The following PCDH15 variants were observed in gnomAD, a reference collection of about 807,000 sequenced individuals.
PCDH15 encodes protocadherin related 15, also known as protocadherin-15.
A neutral mutation model predicts 178.5 loss-of-function variants in PCDH15; 129 were observed. That is an observed-to-expected ratio of 0.72 (90% CI 0.63 to 0.84). The LOEUF is 0.84. Ranked by LOEUF, PCDH15 falls within the 40% of genes least tolerant of loss-of-function variation. The pLI, the probability that PCDH15 is intolerant of heterozygous loss-of-function variation, is 0.00. For missense variants in PCDH15, 2,230 were observed against 2,099.9 expected, an observed-to-expected ratio of 1.06 and a Z score of -1.21; for synonymous variants, 800 against 732.0, an observed-to-expected ratio of 1.09 and a Z score of -1.50.
intron 2 of PCDH15, among the ~76,000 whole-genome samples, chr10:54,612,546 A>G (rs2134266078): frequency 2.0e-5 from 3 of 151,902 alleles, no homozygotes; most frequent in African/African-American, 7.2e-5. Flanking sequence ...TAACCAGCAA[A>G]GTCAAGATGG....
intron 2 of PCDH15, among the ~76,000 whole-genome samples, chr10:54,561,054 T>C (rs907367708): frequency 6.6e-6 from 1 of 152,092 alleles, no homozygotes; most frequent in Admixed American, 6.6e-5. Flanking sequence ...CTTAAAGAAA[T>C]AGTCAAGAGT....
At chr10:55,527,690 GAGAA>G (rs1398776751) in intron 2 of PCDH15, among the ~76,000 whole-genome samples, 2 of 151,632 alleles carry the variant, frequency 1.3e-5, no homozygotes, top group Non-Finnish European at 2.9e-5. Flanking sequence ...AATCAAAAAA[GAGAA>G]AGAATAAAAA....
At chr10:54,779,600 C>T (rs1235400962) in intron 1 of PCDH15, among the ~76,000 whole-genome samples, 1 of 149,556 alleles carries the variant, frequency 6.7e-6, no homozygotes, top group Non-Finnish European at 1.5e-5. Context: ...CTATGTGATG[C>T]TCCGGGCTGG....
intron 3 of PCDH15, among the ~76,000 whole-genome samples, chr10:54,880,496 AT>A (rs767584987): frequency 6.6e-6 from 1 of 152,086 alleles, no homozygotes; most frequent in Non-Finnish European, 1.5e-5. Flanking sequence ...GAAAAGCAAA[AT>A]GCTTACTATT....
chr10:54,984,329 A>G (rs1839313783), intron 2 of PCDH15, among the ~76,000 whole-genome samples: 1 of 152,158 alleles, frequency 6.6e-6, no homozygotes, highest in African/African-American at 2.4e-5. Flanking sequence ...GGTAACTTAC[A>G]GTAGTCACTC....
At chr10:53,971,892 C>T (rs984628818) in intron 21 of PCDH15, among the ~76,000 whole-genome samples, 14 of 152,192 alleles carry the variant, frequency 9.2e-5, no homozygotes, top group African/African-American at 3.1e-4. Context: ...CAATGCCATC[C>T]CCATCAAGCT....
At chr10:54,101,888 T>C (rs2094819054) in intron 15 of PCDH15, among the ~76,000 whole-genome samples, 1 of 152,064 alleles carries the variant, frequency 6.6e-6, no homozygotes, top group South Asian at 2.1e-4. Flanking sequence ...GGTGGGAGGA[T>C]AACTTGAGCC....
intron 2 of PCDH15, among the ~76,000 whole-genome samples, chr10:54,939,523 A>AAAAAAAAAAAAAAAAAAAAAAAAG: frequency 6.8e-6 from 1 of 146,370 alleles, no homozygotes; most frequent in Non-Finnish European, 1.5e-5. Flanking sequence ...AAAAAAAAAA[A>AAAAAAAAAAAAAAAAAAAAAAAAG]TCAGTGATGT....
chr10:54,423,947 G>A (rs1465473823), intron 3 of PCDH15, among the ~76,000 whole-genome samples: 1 of 151,846 alleles, frequency 6.6e-6, no homozygotes, highest in Non-Finnish European at 1.5e-5. Flanking sequence ...TCAGGACATA[G>A]GCATGGGCAA....
chr10:54,828,898 T>C (rs1953177486), intron 3 of PCDH15, among the ~76,000 whole-genome samples: 1 of 151,938 alleles, frequency 6.6e-6, no homozygotes, highest in African/African-American at 2.4e-5. Context: ...ATGAGACTAT[T>C]AGCAGAGACC....
At chr10:53,995,160 C>A in intron 21 of PCDH15, 1 of 157,648 alleles carries the variant, frequency 6.3e-6, no homozygotes, top group Non-Finnish European at 1.4e-5. Context: ...TTTGGGATAT[C>A]TCAAAAAAGT....
intron 1 of PCDH15, among the ~76,000 whole-genome samples, chr10:55,169,665 A>G (rs778306434): frequency 3.9e-5 from 6 of 152,160 alleles, no homozygotes; most frequent in Non-Finnish European, 8.8e-5. Context: ...GAGAACTACA[A>G]ATTGATACAA....
At chr10:54,236,976 A>C in intron 8 of PCDH15, 45 bp from the exon 9 acceptor site, 2 of 1,425,038 alleles carry the variant, frequency 1.4e-6, no homozygotes, top group Non-Finnish European at 9.9e-7. Context: ...CATTACTAAT[A>C]CTTCATGAAG....
At chr10:53,842,044 A>AT (rs1239124471) in intron 28 of PCDH15, among the ~76,000 whole-genome samples, 1 of 151,556 alleles carries the variant, frequency 6.6e-6, no homozygotes, top group Non-Finnish European at 1.5e-5. Context: ...TGTTTTTCAG[A>AT]TTTTTTTTCC....
intron 18 of PCDH15, among the ~76,000 whole-genome samples, chr10:54,058,974 A>G (rs2093958973): frequency 6.6e-6 from 1 of 152,072 alleles, no homozygotes; most frequent in Non-Finnish European, 1.5e-5. Flanking sequence ...GATTACAGGC[A>G]TGAGCCACCA....
intron 15 of PCDH15, among the ~76,000 whole-genome samples, chr10:54,125,052 T>C (rs2041872777): frequency 6.6e-6 from 1 of 151,830 alleles, no homozygotes; most frequent in Admixed American, 6.6e-5. Context: ...TATTCAAAAA[T>C]GAGAAGAATG....
At chr10:54,389,972 T>C (rs1950352481) in intron 3 of PCDH15, among the ~76,000 whole-genome samples, 1 of 152,094 alleles carries the variant, frequency 6.6e-6, no homozygotes, top group African/African-American at 2.4e-5. Context: ...TAGCCATCCA[T>C]ATCATTCTGA....
At chr10:54,690,849 G>A (rs1339000154) in intron 1 of PCDH15, among the ~76,000 whole-genome samples, 2 of 151,998 alleles carry the variant, frequency 1.3e-5, no homozygotes, top group South Asian at 2.1e-4. Flanking sequence ...ACTGCATTAG[G>A]TGCATAAGAA....
chr10:54,877,930 CTCTCTCTCTTTTTTTTTTTTTTT>C (rs1954175159), intron 3 of PCDH15, among the ~76,000 whole-genome samples: 1 of 4,128 alleles, frequency 2.4e-4, no homozygotes, highest in Non-Finnish European at 7.2e-4. Flanking sequence ...CTCTTTCTCT[CTCTCTCTCTTTTTTTTTTTTTTT>C]TTTTTTTTTT....
Sources: gnomAD v4.1 joint callset for allele counts (sites outside exome capture counted in the v4.1 genomes callset) on GRCh38, gnomAD v4.1.1 for gene constraint, MANE v1.5 for transcripts, NCBI Gene and HGNC (gene_info 2026-07-23, HGNC 2026-07-21) for gene names.